SQLE: variants seen among roughly 807,000 people sequenced by gnomAD.
The protein encoded by SQLE is squalene epoxidase.
A neutral mutation model predicts 60.7 loss-of-function variants in SQLE; 29 were observed. That is an observed-to-expected ratio of 0.48 (90% CI 0.36 to 0.65). The LOEUF (loss-of-function observed/expected upper bound fraction) is 0.65. SQLE is among the 30% of genes least tolerant of loss of function. The probability of loss-of-function intolerance (pLI) is 0.00; values close to 1 mark genes in which losing one functional copy is unlikely to be tolerated. For missense variants in SQLE, 605 were observed against 684.1 expected, an observed-to-expected ratio of 0.88 and a Z score of 1.29; for synonymous variants, 237 against 246.8, an observed-to-expected ratio of 0.96 and a Z score of 0.37.
Position 125,007,062 on chromosome 8 carries a change from G to A in SQLE, c.726-329G>A, listed in dbSNP as rs571487232. On this transcript the variant is annotated intron_variant, in intron 3 of 10. Coordinates refer to ENST00000265896, the MANE Select transcript of SQLE (RefSeq NM_003129.4). ...TTCCAATACTTGTTTTCCCCTCTGT[G>A]TATGAATGTATGAGGGTATGTAAAG... 3.3e-5 allele frequency among the ~76,000 whole-genome samples: 5 copies of A among 152,124 alleles called. No homozygotes were observed. In the East Asian group the frequency reaches 9.7e-4, roughly 29 times the overall value.
intron 1 of SQLE, among the ~76,000 whole-genome samples, chr8:125,001,371 A>T (rs151115251): frequency 6.6e-6 from 1 of 151,404 alleles, no homozygotes; most frequent in East Asian, 1.9e-4. Flanking sequence ...TGATCTATTG[A>T]CTACTAAGTT....
Position 125,018,121 on chromosome 8 carries a change from G to A in SQLE, c.1267G>A (p.Val423Ile). The A allele has an allele frequency of 6.2e-7, 1 of 1,613,878 alleles. No homozygotes were observed. Among genetic ancestry groups the A allele is most frequent in the Non-Finnish European group, 8.5e-7 (1 of 1,179,816 alleles). ...TCCACTTACTGGTGGAGGAATGACT[G>A]TTGCTTTTAAAGATATAAAACTATG... ...RHPLTGGGMT[V>I]AFKDIKLWRK... The change falls in exon 8 of 11, where the codon GTT becomes ATT. Residue 423 changes from valine to isoleucine, a missense_variant. Val to Ile is a conservative substitution (Grantham distance 29, BLOSUM62 3). Transcript: ENST00000265896.
Position 124,999,333 on chromosome 8 carries a change from G to C in SQLE, c.-71G>C. On this transcript the variant is annotated 5_prime_UTR_variant, in exon 1 of 11. Coordinates refer to ENST00000265896, the MANE Select transcript of SQLE (RefSeq NM_003129.4). ...GTGCTCCTCTTGGTACCTCATTTTG[G>C]GGAGAACCTTAAACCCACTCGAGCA... is the stretch of plus-strand genomic sequence containing the variant. 3 of 1,400,720 alleles carry C rather than the reference G, an allele frequency of 2.1e-6. No homozygotes were observed. The highest frequency in any genetic ancestry group is 2.8e-6 in the Non-Finnish European group (3 of 1,074,100). 86.8% of individuals were successfully genotyped at this position (1,400,720 alleles called of 1,614,324 possible). A position where few individuals can be genotyped will look rare whatever the true frequency, so the allele number is the denominator to read the frequency against.
At chr8:125,008,476 T>C (rs1017070044) in intron 4 of SQLE, among the ~76,000 whole-genome samples, 1 of 152,196 alleles carries the variant, frequency 6.6e-6, no homozygotes, top group Admixed American at 6.5e-5. Context: ...CTCTTAGAAA[T>C]TGTCCTCTAA....
chr8:125,008,818 C>T (rs567240537), intron 4 of SQLE, among the ~76,000 whole-genome samples, 153 bp from the exon 5 acceptor site: 19 of 152,310 alleles, frequency 1.2e-4, no homozygotes, highest in African/African-American at 4.3e-4. Flanking sequence ...CTGAAGCCCA[C>T]GTAACAGTTT....
intron 6 of SQLE, chr8:125,011,168 A>G (rs1815035200): frequency 6.4e-6 from 1 of 156,586 alleles, no homozygotes; most frequent in Non-Finnish European, 1.4e-5. Flanking sequence ...TTATTACAAG[A>G]ATATATTGAT....
Position 124,998,585 on chromosome 8 carries a change from C to G in SQLE, c.-819C>G. ...GGGGCCGCGCCGCGCTGGCGAGAGC[C>G]GCCGCCCGCGAGGGATGCTGGTGAG... is the stretch of plus-strand genomic sequence containing the variant. On this transcript the variant is annotated 5_prime_UTR_variant, in exon 1 of 11. Transcript: ENST00000265896. 1 of 685,908 alleles carries G rather than the reference C, an allele frequency of 1.5e-6. No homozygotes were observed. Among genetic ancestry groups the G allele is most frequent in the Non-Finnish European group, 2.6e-6 (1 of 377,474 alleles). The allele number at this position is 685,908 out of a possible 1,614,324, so 42.5% of individuals were successfully genotyped here. A position where few individuals can be genotyped will look rare whatever the true frequency, so the allele number is the denominator to read the frequency against.
Position 125,016,899 on chromosome 8 carries a change from A to G in SQLE, c.1205-1160A>G, listed in dbSNP as rs1815119515. ...AGGTACCGCCTTGGTGGTCTTGGGTAATATCTGGGAGAATTCCCTGGATTA... is the reference window on the plus strand; with the variant it reads ...AGGTACCGCCTTGGTGGTCTTGGGTGATATCTGGGAGAATTCCCTGGATTA... On this transcript the variant is annotated intron_variant, in intron 7 of 10. Transcript: ENST00000265896. The surrounding 1 kb of genome is among the most constrained non-coding windows in gnomAD (Gnocchi z 4.1). 6.6e-6 allele frequency among the ~76,000 whole-genome samples: 1 copy of G among 152,164 alleles called. No individual in the cohort carries two copies. Among genetic ancestry groups the G allele is most frequent in the Non-Finnish European group, 1.5e-5 (1 of 68,030 alleles).
chr8:124,999,423 T>C lies in SQLE; in HGVS notation c.20T>C (p.Ile7Thr). 6.6e-7 allele frequency: 1 copy of C among 1,520,808 alleles called. No homozygotes were observed. The highest frequency in any genetic ancestry group is 1.3e-5 in the South Asian group (1 of 75,682). 94.2% of individuals were successfully genotyped at this position (1,520,808 alleles called of 1,614,324 possible). The change falls in exon 1 of 11, where the codon ATT (isoleucine) becomes ACT (threonine). Residue 7 changes from isoleucine (I) to threonine (T), a missense_variant. Transcript: ENST00000265896. The part of the protein sequence containing the change: MWTFLG[I>T]ATFTYFYKKF... ...GGAACCATGTGGACTTTTCTGGGCA[T>C]TGCCACTTTCACCTATTTTTATAAG...
intron 10 of SQLE, among the ~76,000 whole-genome samples, chr8:125,021,552 G>C (rs188320055): frequency 1.3e-5 from 2 of 150,376 alleles, no homozygotes; most frequent in African/African-American, 4.9e-5. Flanking sequence ...GGGGGGTGGG[G>C]GGTTTGCTCC....
chr8:124,999,576 A>G lies in SQLE; in HGVS notation c.173A>G (p.Gln58Arg). The stretch of plus-strand genomic sequence containing the variant: ...AACGGGGGTCTCCTCGGGCGCCAGC[A>G]GAGCGGCTCCCAGTTCGCCCTCTTC... ...HRNGGLLGRQ[Q>R]SGSQFALFSD... The change falls in exon 1 of 11, where the codon CAG becomes CGG. Residue 58 changes from glutamine (Q) to arginine (R), a missense_variant. Coordinates refer to ENST00000265896, the MANE Select transcript of SQLE (RefSeq NM_003129.4). The G allele has an allele frequency of 6.2e-7, 1 of 1,613,694 alleles. No individual in the cohort carries two copies. The highest frequency in any genetic ancestry group is 8.5e-7 in the Non-Finnish European group (1 of 1,179,778).
Position 125,021,823 on chromosome 8 carries a change from T to G in SQLE, c.1603T>G (p.Phe535Val). 6.2e-7 allele frequency: 1 copy of G among 1,610,416 alleles called. No individual in the cohort carries two copies. The highest frequency in any genetic ancestry group is 8.5e-7 in the Non-Finnish European group (1 of 1,178,078). The change falls in exon 11 of 11, where the codon TTT (phenylalanine) becomes GTT (valine). Residue 535 changes from phenylalanine (F) to valine (V), a missense_variant. Coordinates refer to ENST00000265896, the MANE Select transcript of SQLE (RefSeq NM_003129.4). ...AVAIYAVYFC[F>V]KSEPWITKPR... The stretch of plus-strand genomic sequence containing the variant: ...TGCAATCTATGCCGTGTATTTTTGC[T>G]TTAAGTCAGAACCTTGGATTACAAA...
At chr8:125,006,973 G>A (rs934675963) in intron 3 of SQLE, among the ~76,000 whole-genome samples, 3 of 152,124 alleles carry the variant, frequency 2.0e-5, no homozygotes, top group Admixed American at 2.0e-4. Flanking sequence ...AAAGTTCTGG[G>A]ATTACAGGTG....
intron 9 of SQLE, among the ~76,000 whole-genome samples, chr8:125,020,148 A>G (rs1815179820): frequency 6.6e-6 from 1 of 152,210 alleles, no homozygotes; most frequent in African/African-American, 2.4e-5. Flanking sequence ...TAAAAGTTAC[A>G]AGATTGGAGG....
intron 3 of SQLE, among the ~76,000 whole-genome samples, chr8:125,006,541 A>G (rs1367076676): frequency 6.6e-6 from 1 of 150,430 alleles, no homozygotes; most frequent in East Asian, 2.0e-4. Flanking sequence ...GAATTGCTTG[A>G]ACCCAGGAGG....
At chr8:125,017,289 G>A (rs1411727575) in intron 7 of SQLE, among the ~76,000 whole-genome samples, 1 of 151,922 alleles carries the variant, frequency 6.6e-6, no homozygotes, top group African/African-American at 2.4e-5. Context: ...AATCTACTTG[G>A]TGCTCTATTC....
rs761134005 is a variant in SQLE, at chr8:124,998,917, G to T, written c.-487G>T. ...CCGTGCCTTCCGGCCGCTGCTCGCC[G>T]TCGCCAGAGGCTAGGCCACGTTTCC... On this transcript the variant is annotated 5_prime_UTR_variant, in exon 1 of 11. Coordinates refer to ENST00000265896, the MANE Select transcript of SQLE (RefSeq NM_003129.4). 2.1e-4 allele frequency: 76 copies of T among 359,668 alleles called. No individual in the cohort carries two copies. Among genetic ancestry groups the T allele is most frequent in the Non-Finnish European group, 3.3e-4 (67 of 201,038 alleles). The allele number at this position is 359,668 out of a possible 1,614,324, so 22.3% of individuals were successfully genotyped here. A position where few individuals can be genotyped will look rare whatever the true frequency, so the allele number is the denominator to read the frequency against.
intron 9 of SQLE, among the ~76,000 whole-genome samples, chr8:125,020,469 A>G (rs1030026654): frequency 2.6e-5 from 4 of 152,234 alleles, no homozygotes; most frequent in African/African-American, 9.6e-5. Context: ...TTGTGTTAAA[A>G]AGAGCTTCCA....
intron 1 of SQLE, 59 bp downstream of exon 1, chr8:124,999,753 C>T: frequency 3.3e-6 from 5 of 1,501,982 alleles, no homozygotes; most frequent in Non-Finnish European, 4.4e-6. Flanking sequence ...ATTGGGTTCA[C>T]TCAAATATAA....
Sources: gnomAD v4.1 joint callset for allele counts (sites outside exome capture counted in the v4.1 genomes callset) on GRCh38, gnomAD v4.1.1 for gene constraint, Gnocchi (gnomAD v3.1) non-coding constraint, MANE v1.5 for transcripts, NCBI Gene and HGNC (gene_info 2026-07-23, HGNC 2026-07-21) for gene names.